The following CLEC20A variants were observed in gnomAD, a reference collection of about 807,000 sequenced individuals.
CLEC20A encodes C-type lectin domain containing 20A, also known as putative C-type lectin domain family 20 member A.
At chr1:178,495,364 C>A (rs1045144508) in intron 1 of CLEC20A, among the ~76,000 whole-genome samples, 2 of 152,236 alleles carry the variant, frequency 1.3e-5, no homozygotes, top group African/African-American at 2.4e-5. Flanking sequence ...CAGCTCCAGG[C>A]CCATATCCAT....
chr1:178,486,562 C>T (rs958596900), intron 5 of CLEC20A: 13 of 398,588 alleles, frequency 3.3e-5, no homozygotes, highest in East Asian at 1.4e-4. Flanking sequence ...GTCCGAGATG[C>T]TTTCTTTGGT....
At chr1:178,497,782 G>C (rs908145231), upstream of CLEC20A, among the ~76,000 whole-genome samples, 2 of 152,176 alleles carry the variant, frequency 1.3e-5, no homozygotes, top group African/African-American at 2.4e-5. Context: ...CTGCAACTTA[G>C]GAGGAAGGCA....
upstream of CLEC20A, among the ~76,000 whole-genome samples, chr1:178,497,661 A>G (rs1448469486): frequency 3.9e-5 from 6 of 152,254 alleles, no homozygotes; most frequent in Admixed American, 3.9e-4. Context: ...TTGGGTCTTC[A>G]TTCTGAAGGC....
upstream of CLEC20A, chr1:178,497,103 C>A (rs184767470): frequency 7.3e-5 from 29 of 397,764 alleles, 1 homozygote; most frequent in African/African-American, 6.0e-4. Flanking sequence ...TTTTACTAAA[C>A]AAATACTTAC....
At chr1:178,494,730 G>A (rs1191057814) in exon 2 of CLEC20A, 6 of 399,130 alleles carry the variant, frequency 1.5e-5, no homozygotes, top group East Asian at 7.1e-5. Flanking sequence ...TAGTGCAGCC[G>A]GCAGTGCTGC....
At chr1:178,482,033 G>A (rs1009253618) in intron 7 of CLEC20A, 23 of 272,174 alleles carry the variant, frequency 8.5e-5, no homozygotes, top group South Asian at 5.1e-4. Context: ...TAAGACCCAC[G>A]CTCAGATCCC....
chr1:178,481,181 A>C (rs1648974765), intron 7 of CLEC20A: 1 of 152,236 alleles, frequency 6.6e-6, no homozygotes. Context: ...ATGAAATTAC[A>C]ATAAAGAGTA....
At chr1:178,480,946 A>G in intron 7 of CLEC20A, 1 of 152,106 alleles carries the variant, frequency 6.6e-6, no homozygotes, top group Non-Finnish European at 1.5e-5. Flanking sequence ...CCACCCAAAA[A>G]AAAAGAAAAG....
upstream of CLEC20A, chr1:178,497,246 T>C (rs1236757652): frequency 1.2e-5 from 4 of 323,974 alleles, no homozygotes; most frequent in Non-Finnish European, 1.7e-5. Context: ...GTTTTTCTCT[T>C]ACCTTCTCCT....
chr1:178,499,385 G>C (rs984577939), upstream of CLEC20A: 10 of 152,248 alleles, frequency 6.6e-5, no homozygotes, highest in Non-Finnish European at 2.9e-5. Context: ...GGTGTTGCCA[G>C]AGGAGATTAA....
chr1:178,483,268 C>T (rs931064289), exon 6 of CLEC20A: 1 of 398,622 alleles, frequency 2.5e-6, no homozygotes, highest in Non-Finnish European at 4.4e-6. Flanking sequence ...GTGCCACTCC[C>T]TACACTGGCC....
intron 7 of CLEC20A, chr1:178,481,406 C>A (rs1368319479): frequency 6.6e-6 from 1 of 152,106 alleles, no homozygotes; most frequent in Admixed American, 6.5e-5. Flanking sequence ...GCCAATGTTT[C>A]CTTGTCTGTA....
intron 2 of CLEC20A, among the ~76,000 whole-genome samples, chr1:178,493,277 C>T (rs1367275972): frequency 6.6e-6 from 1 of 152,188 alleles, no homozygotes; most frequent in Admixed American, 6.5e-5. Flanking sequence ...TCTCCTTACT[C>T]CCTTGGGAAC....
chr1:178,497,202 A>G (rs917000717), upstream of CLEC20A: 1 of 379,934 alleles, frequency 2.6e-6, no homozygotes, highest in Non-Finnish European at 4.6e-6. Context: ...GGTTCAGAAA[A>G]CAGTGTCCCA....
At chr1:178,488,179 C>T (rs1649192754) in intron 5 of CLEC20A, among the ~76,000 whole-genome samples, 1 of 152,224 alleles carries the variant, frequency 6.6e-6, no homozygotes, top group Non-Finnish European at 1.5e-5. Context: ...TCCCCCAGGG[C>T]CTCAGCCTCT....
intron 7 of CLEC20A, 167 bp downstream of exon 7, chr1:178,482,145 A>G (rs531148885): frequency 2.5e-6 from 1 of 395,884 alleles, no homozygotes; most frequent in South Asian, 1.4e-4. Context: ...AGATCCAAAA[A>G]GATCTTGCCA....
intron 3 of CLEC20A, among the ~76,000 whole-genome samples, chr1:178,490,955 C>T (rs1412444085): frequency 6.6e-6 from 1 of 152,164 alleles, no homozygotes; most frequent in Non-Finnish European, 1.5e-5. Context: ...CAGGGCTGAG[C>T]AGAATAGATG....
At chr1:178,498,435 T>C (rs925235759), upstream of CLEC20A, among the ~76,000 whole-genome samples, 1 of 151,920 alleles carries the variant, frequency 6.6e-6, no homozygotes, top group Non-Finnish European at 1.5e-5. Context: ...CTACAAAAAT[T>C]ATAAATTAGC....
intron 4 of CLEC20A, 91 bp downstream of exon 4, chr1:178,489,981 C>T: frequency 2.5e-6 from 1 of 397,986 alleles, no homozygotes; most frequent in Non-Finnish European, 4.4e-6. Flanking sequence ...TTGGGTCTAT[C>T]CTCAATGTCA....
Sources: allele counts gnomAD v4.1 joint callset (sites outside exome capture counted in the v4.1 genomes callset), GRCh38; gene constraint gnomAD v4.1.1; transcripts MANE v1.5; gene names NCBI Gene and HGNC (gene_info 2026-07-23, HGNC 2026-07-21).